Variants in DIDO1 observed in about 807,000 individuals in gnomAD.
DIDO1 encodes the protein death inducer-obliterator 1, also known as death-inducer obliterator 1.
DIDO1 carries 16 observed loss-of-function variants against 99.4 expected under a neutral mutation model. The ratio of observed to expected loss-of-function variants is 0.16; its 90% CI spans 0.11 to 0.24. DIDO1 has a LOEUF of 0.24. Ranked by LOEUF, DIDO1 falls within the 10% of genes least tolerant of loss-of-function variation. The pLI, the probability that DIDO1 is intolerant of heterozygous loss-of-function variation, is 1.00. For synonymous variants in DIDO1, 1,366 were observed against 1,239.1 expected (o/e 1.10, Z -2.15); for missense variants, 2,996 against 3,014.0 (o/e 0.99, Z 0.14).
rs1286225623 is a variant in DIDO1, at chr20:62,881,681, G to A, written c.4275C>T (p.Ala1425=). 1.9e-6 allele frequency: 3 copies of A among 1,612,782 alleles called. No homozygotes were observed. The East Asian group carries it at 6.7e-5, about 36-fold the overall frequency. Residue 1425 remains alanine, a synonymous_variant, in exon 16 of 16, where the codon GCC becomes GCT. Coordinates refer to ENST00000395343, the MANE Select transcript of DIDO1 (RefSeq NM_001193369.2). The surrounding 1 kb of genome is among the most constrained non-coding windows in gnomAD (Gnocchi z 8.3). The part of the protein sequence containing the change: ...EAAAAEREEV[A]YDPEDETILE... Reference sequence around the variant, plus strand: ...AGATGGTCTCATCCTCGGGGTCATAGGCCACCTCTTCCCGCTCGGCTGCAG... The same window carrying A: ...AGATGGTCTCATCCTCGGGGTCATAAGCCACCTCTTCCCGCTCGGCTGCAG...
At position 62,894,181 on chromosome 20, in the gene DIDO1, G is replaced by A. The variant is rs113866093; in HGVS notation, c.2586C>T (p.Ser862=). 3.8e-5 allele frequency: 62 copies of A among 1,613,238 alleles called. No individual in the cohort carries two copies. Among genetic ancestry groups the A allele is most frequent in the South Asian group, 1.5e-4 (14 of 91,072 alleles). The change falls in exon 12 of 16, where the codon TCC becomes TCT. Residue 862 remains serine, a synonymous_variant. Transcript: ENST00000395343. The surrounding 1 kb of genome is among the most constrained non-coding windows in gnomAD (Gnocchi z 4.4). ...NCKICTGQVP[S]AEDEPAPKKQ... ...TTTTCGGAGCTGGCTCATCTTCTGC[G>A]GAGGGAACCTGGCCTGAAGAAGGCG...
rs1450657967 is a variant in DIDO1 at position 62,896,109 on chromosome 20, A to G, written c.2214+124T>C. On this transcript the variant is annotated intron_variant, in intron 8 of 15. Transcript: ENST00000395343. The surrounding 1 kb of genome is among the most constrained non-coding windows in gnomAD (Gnocchi z 4.4). ...AATACGTGGGCGGCAGAAGGATCAC[A>G]GAGGAGAAAGAAACGTCTTAGCTTT... 3 of 1,072,596 alleles carry G rather than the reference A, an allele frequency of 2.8e-6. No homozygotes were observed. The highest frequency in any genetic ancestry group is 4.0e-6 in the Non-Finnish European group (3 of 743,194). 66.4% of individuals were successfully genotyped at this position (1,072,596 alleles called of 1,614,324 possible).
At chr20:62,883,176 G>C (rs539140090) in intron 15 of DIDO1, among the ~76,000 whole-genome samples, 1 of 151,572 alleles carries the variant, frequency 6.6e-6, no homozygotes, top group Non-Finnish European at 1.5e-5. Context: ...CACCTGCCTC[G>C]GCCTCCCAAA....
At chr20:62,895,210 C>T (rs764341917) in intron 8 of DIDO1, 45 bp from the exon 9 acceptor site, 18 of 1,531,364 alleles carry the variant, frequency 1.2e-5, no homozygotes, top group Admixed American at 1.7e-5. Context: ...ATTCCTATAT[C>T]TGTCAATACA....
chr20:62,922,012 T>G (rs2065151076), intron 1 of DIDO1, among the ~76,000 whole-genome samples: 1 of 149,598 alleles, frequency 6.7e-6, no homozygotes, highest in Non-Finnish European at 1.5e-5. Context: ...TATATATATA[T>G]CCACACAATA....
intron 15 of DIDO1, among the ~76,000 whole-genome samples, chr20:62,887,038 G>A (rs751269664): frequency 7.2e-5 from 11 of 152,206 alleles, no homozygotes; most frequent in African/African-American, 1.7e-4. Flanking sequence ...CCGGGGTGCC[G>A]AGAAGGGCCC....
intron 1 of DIDO1, among the ~76,000 whole-genome samples, chr20:62,937,406 C>A (rs1251548849): frequency 6.6e-6 from 1 of 152,246 alleles, no homozygotes; most frequent in African/African-American, 2.4e-5. Context: ...CGGCCCTGCC[C>A]CGCGCCGCCG....
chr20:62,882,088 C>T lies in DIDO1; in HGVS notation c.3868G>A (p.Ala1290Thr). Residue 1290 changes from alanine (A) to threonine (T), a missense_variant, in exon 16 of 16, where the codon GCC becomes ACC. Ala to Thr is a moderately conservative substitution (Grantham distance 58). Coordinates refer to ENST00000395343, the MANE Select transcript of DIDO1 (RefSeq NM_001193369.2). ...KPAAPSPATA[A>T]TTAAAASTAA... The stretch of plus-strand genomic sequence containing the variant: ...GTGGAGGCTGCCGCTGCTGTTGTGG[C>T]TGCTGTGGCTGGGCTGGGGGCTGCA... 6.2e-7 allele frequency: 1 copy of T among 1,611,902 alleles called. No individual in the cohort carries two copies. Among genetic ancestry groups the T allele is most frequent in the Non-Finnish European group, 8.5e-7 (1 of 1,178,818 alleles).
Position 62,878,493 on chromosome 20 carries a change from G to C in DIDO1, c.*740C>G, listed in dbSNP as rs936465768. 1 of 150,836 alleles carries C rather than the reference G, an allele frequency of 6.6e-6. No homozygotes were observed. Among genetic ancestry groups the C allele is most frequent in the African/African-American group, 2.4e-5 (1 of 41,382 alleles). The allele number at this position is 150,836 out of a possible 1,614,324, so 9.3% of individuals were successfully genotyped here. A position where few individuals can be genotyped will look rare whatever the true frequency, so the allele number is the denominator to read the frequency against. On this transcript the variant is annotated 3_prime_UTR_variant, in exon 16 of 16. Coordinates refer to ENST00000395343, the MANE Select transcript of DIDO1 (RefSeq NM_001193369.2). ...CAAAACTCCTGATTATTCAAATCAA[G>C]GACTCCTCCCTGCCCCCAAAGTACA...
intron 1 of DIDO1, among the ~76,000 whole-genome samples, chr20:62,937,545 G>C (rs945292453): frequency 6.6e-6 from 1 of 152,242 alleles, no homozygotes; most frequent in South Asian, 2.1e-4. Context: ...ACCTGGCCTC[G>C]AGTGAGGACG....
Position 62,880,396 on chromosome 20 carries a change from C to T in DIDO1, c.5560G>A (p.Glu1854Lys), listed in dbSNP as rs991363149. ...TCGTTATACGGGGCGTCCTGGAACT[C>T]CCTCTTCTCCCCATGGGGATCCTTG... is the stretch of plus-strand genomic sequence containing the variant. ...ERKDPHGEKR[E>K]FQDAPYNEVT... The change falls in exon 16 of 16, where the codon GAG becomes AAG. Residue 1854 changes from glutamate (E) to lysine (K), a missense_variant. Glu to Lys is a moderately conservative substitution (Grantham distance 56). Coordinates refer to ENST00000395343, the MANE Select transcript of DIDO1 (RefSeq NM_001193369.2). 1.2e-6 allele frequency: 2 copies of T among 1,612,852 alleles called. No homozygotes were observed. Among genetic ancestry groups the T allele is most frequent in the Non-Finnish European group, 1.7e-6 (2 of 1,180,020 alleles).
chr20:62,910,925 C>T lies in DIDO1; in HGVS notation c.688G>A (p.Gly230Arg), dbSNP rs2064919320. Residue 230 changes from glycine (G) to arginine (R), a missense_variant, in exon 3 of 16, where the codon GGG (glycine) becomes AGG (arginine). Gly to Arg is a moderately radical substitution (Grantham distance 125). Transcript: ENST00000395343. ...AACTTACTCTCTCTGTCATCTTTCC[C>T]AGCCTGGGACACAACCCCCTGATCG... ...ENDQGVVSQAGKDDRESKLEG... is the reference protein window; with the variant it reads ...ENDQGVVSQARKDDRESKLEG... The T allele has an allele frequency of 6.2e-7, 1 of 1,614,196 alleles. No homozygotes were observed. Among genetic ancestry groups the T allele is most frequent in the Non-Finnish European group, 8.5e-7 (1 of 1,180,034 alleles).
chr20:62,926,785 G>T (rs1416010923), upstream of DIDO1, among the ~76,000 whole-genome samples: 284 of 152,380 alleles, frequency 1.9e-3, 1 homozygote, highest in African/African-American at 6.5e-3. Context: ...CAGGGCGCAG[G>T]CGGAACGTGG....
At chr20:62,887,196 C>G in intron 15 of DIDO1, 2 of 985,474 alleles carry the variant, frequency 2.0e-6, no homozygotes, top group Non-Finnish European at 2.4e-6. Flanking sequence ...GGTTCCAATT[C>G]AAACAAACAA....
intron 1 of DIDO1, 21 bp downstream of exon 1, chr20:62,926,418 G>C (rs999835648): frequency 2.0e-5 from 3 of 149,944 alleles, no homozygotes; most frequent in Non-Finnish European, 4.5e-5. Flanking sequence ...CCCGGCGCCC[G>C]GGACGCCACT....
rs1012796759 is a variant in DIDO1 at position 62,880,351 on chromosome 20, G to T, written c.5605C>A (p.Gln1869Lys). 6.2e-7 allele frequency: 1 copy of T among 1,612,738 alleles called. No individual in the cohort carries two copies. Among genetic ancestry groups the T allele is most frequent in the Non-Finnish European group, 8.5e-7 (1 of 1,180,020 alleles). ...GGGGCTTGCTCTGTCCCTTCAAACT[G>T]GGCGGGGGCGCCCGTCACCTCGTTA... ...PYNEVTGAPAQFEGTEQAPFL... is the reference protein window; with the variant it reads ...PYNEVTGAPAKFEGTEQAPFL... The change falls in exon 16 of 16, where the codon CAG becomes AAG. Residue 1869 changes from glutamine to lysine, a missense_variant. By Grantham distance (53) the Gln-to-Lys change is moderately conservative. This residue lies in a region of DIDO1 where 1,562 missense variants were observed against 1,412.6 expected (regional missense o/e 1.11). Coordinates refer to ENST00000395343, the MANE Select transcript of DIDO1 (RefSeq NM_001193369.2).
Position 62,887,469 on chromosome 20 carries a change from G to C in DIDO1, c.3541+3491C>G, listed in dbSNP as rs912875365. 3.0e-6 allele frequency: 3 copies of C among 985,342 alleles called. No individual in the cohort carries two copies. The African/African-American group carries it at 5.2e-5, about 17-fold the overall frequency. The allele number at this position is 985,342 out of a possible 1,614,324, so 61.0% of individuals were successfully genotyped here. On this transcript the variant is annotated intron_variant, in intron 15 of 15. Coordinates refer to ENST00000395343, the MANE Select transcript of DIDO1 (RefSeq NM_001193369.2). ...AGCTTTCTAATGTATAAAGACCTCAGAGAAAAGAGCCCTTTCCATTCGAGC... is the reference window on the plus strand; with the variant it reads ...AGCTTTCTAATGTATAAAGACCTCACAGAAAAGAGCCCTTTCCATTCGAGC...
intron 1 of DIDO1, among the ~76,000 whole-genome samples, chr20:62,934,760 G>C (rs888557284): frequency 4.6e-5 from 7 of 152,090 alleles, no homozygotes; most frequent in African/African-American, 1.7e-4. Flanking sequence ...GGGAGTTTTG[G>C]CACCTTCACC....
intron 1 of DIDO1, among the ~76,000 whole-genome samples, chr20:62,934,587 TCAC>T (rs752128003): frequency 6.6e-6 from 1 of 152,200 alleles, no homozygotes; most frequent in African/African-American, 2.4e-5. Flanking sequence ...GGCATCTAGC[TCAC>T]TGCTCACTTC....
Sources: allele counts gnomAD v4.1 joint callset (sites outside exome capture counted in the v4.1 genomes callset), GRCh38; gene constraint gnomAD v4.1.1; regional missense constraint gnomAD v4.1.1; non-coding constraint Gnocchi (gnomAD v3.1); transcripts MANE v1.5; gene names NCBI Gene and HGNC (gene_info 2026-07-23, HGNC 2026-07-21).